The following DIAPH2 variants were observed in gnomAD, a reference collection of about 807,000 sequenced individuals.
The protein encoded by DIAPH2 is diaphanous related formin 2.
DIAPH2 carries 35 observed loss-of-function variants against 92.7 expected under a neutral mutation model. The observed-to-expected ratio is 0.38, with a 90% CI of 0.29 to 0.50. The LOEUF is 0.50. DIAPH2 is among the 20% of genes least tolerant of loss of function. The pLI is 0.94. For synonymous variants in DIAPH2, 301 were observed against 280.4 expected (o/e 1.07, Z -0.73); for missense variants, 701 against 819.5 (o/e 0.86, Z 1.77).
chrX:96,795,307 T>C (rs1312705376), intron 4 of DIAPH2, among the ~76,000 whole-genome samples: 2 of 111,685 alleles, frequency 1.8e-5, no homozygotes, highest in African/African-American at 6.5e-5. Context: ...GATAGTAGCT[T>C]TATTTCATTA....
intron 17 of DIAPH2, among the ~76,000 whole-genome samples, chrX:97,063,496 T>A (rs1470292085): frequency 9.0e-6 from 1 of 111,667 alleles, no homozygotes; most frequent in African/African-American, 3.3e-5. Context: ...TTTATTAAAG[T>A]TGAGCTGCGT....
At chrX:97,377,517 C>A (rs1486588175) in intron 24 of DIAPH2, among the ~76,000 whole-genome samples, 1 of 111,684 alleles carries the variant, frequency 9.0e-6, no homozygotes, top group Non-Finnish European at 1.9e-5. Context: ...TATATGTGGT[C>A]CCATCTGTTG....
chrX:96,842,246 C>T (rs1051769755), intron 4 of DIAPH2, among the ~76,000 whole-genome samples: 6 of 111,727 alleles, frequency 5.4e-5, no homozygotes, highest in Admixed American at 2.9e-4. Context: ...ATTAGAGTTA[C>T]TCTTTTCTTT....
In DIAPH2 at chrX:97,048,953, T is replaced by C. The variant is rs2066502343; in HGVS notation, c.2051-23988T>C. Among the ~76,000 whole-genome samples the C allele has an allele frequency of 5.4e-5, 6 of 110,307 alleles. No homozygotes were observed. The Admixed American group carries it at 5.8e-4, about 11-fold the overall frequency. ...TTTGACATACAAAGACATTTTAGTT[T>C]CATCTTGTAGCTACTCTCGCACAAT... On this transcript the variant is annotated intron_variant, in intron 17 of 26. Coordinates refer to ENST00000324765, the MANE Select transcript of DIAPH2 (RefSeq NM_006729.5).
At chrX:97,549,464 T>C (rs1345694379) in intron 26 of DIAPH2, among the ~76,000 whole-genome samples, 1 of 111,804 alleles carries the variant, frequency 8.9e-6, no homozygotes. Flanking sequence ...TAATCTTTTT[T>C]CTAGAAACAC....
intron 23 of DIAPH2, 48 bp downstream of exon 23, chrX:97,247,887 T>A (rs780197736): frequency 8.9e-7 from 1 of 1,124,617 alleles, no homozygotes; most frequent in Admixed American, 2.3e-5. Flanking sequence ...AGTCTCTATG[T>A]CTGTCTGTTT....
intron 23 of DIAPH2, among the ~76,000 whole-genome samples, chrX:97,303,975 C>A (rs2068726527): frequency 9.0e-6 from 1 of 111,321 alleles, no homozygotes; most frequent in African/African-American, 3.3e-5. Flanking sequence ...TGCCTACAGA[C>A]CTTGTTGGCA....
At chrX:97,546,976 G>C (rs2071186192) in intron 26 of DIAPH2, among the ~76,000 whole-genome samples, 1 of 112,080 alleles carries the variant, frequency 8.9e-6, no homozygotes, top group Admixed American at 9.4e-5. Flanking sequence ...CAGTTTGCTT[G>C]AAGTTAACTA....
chrX:97,302,935 G>A (rs1057316954), intron 23 of DIAPH2, among the ~76,000 whole-genome samples: 2 of 112,272 alleles, frequency 1.8e-5, no homozygotes, highest in African/African-American at 3.2e-5. Context: ...AGTGAGCCGA[G>A]ATCGCGCCAC....
At chrX:96,934,735 A>G (rs138312494) in intron 10 of DIAPH2, among the ~76,000 whole-genome samples, 1,826 of 111,987 alleles carry the variant, frequency 0.016, 40 homozygotes, top group African/African-American at 0.056. Context: ...AGTTGTTACA[A>G]ACTCTACAGT....
intron 22 of DIAPH2, among the ~76,000 whole-genome samples, chrX:97,170,722 A>G (rs1015523388): frequency 8.9e-6 from 1 of 111,912 alleles, no homozygotes. Flanking sequence ...AAAATATTTT[A>G]TATGGTCCAA....
At chrX:97,298,789 T>G (rs1452353073) in intron 23 of DIAPH2, among the ~76,000 whole-genome samples, 1 of 109,850 alleles carries the variant, frequency 9.1e-6, no homozygotes, top group Non-Finnish European at 1.9e-5. Context: ...TAATTTTTTT[T>G]TGTATTTTTT....
At chrX:96,786,055 A>T (rs952846870) in intron 4 of DIAPH2, among the ~76,000 whole-genome samples, 2 of 111,731 alleles carry the variant, frequency 1.8e-5, no homozygotes, top group Non-Finnish European at 3.8e-5. Flanking sequence ...GGTCAAGTAG[A>T]AACTTTCACA....
In DIAPH2 at chrX:97,072,004, T is replaced by A. The variant is rs1430631773; in HGVS notation, c.2051-937T>A. Among the ~76,000 whole-genome samples, 3 of 112,109 alleles carry A rather than the reference T, an allele frequency of 2.7e-5. No individual in the cohort carries two copies. The East Asian group carries it at 8.3e-4, about 31-fold the overall frequency. On this transcript the variant is annotated intron_variant, in intron 17 of 26. Transcript: ENST00000324765. Reference sequence around the variant, plus strand: ...GACTGAAAAAGTACTAGCTTTACTTTTCTTATATTTTCTGATGGCCCCATT... The same window carrying A: ...GACTGAAAAAGTACTAGCTTTACTTATCTTATATTTTCTGATGGCCCCATT...
intron 26 of DIAPH2, among the ~76,000 whole-genome samples, chrX:97,463,460 G>A (rs1457259553): frequency 3.7e-5 from 4 of 109,232 alleles, no homozygotes; most frequent in Admixed American, 9.9e-5. Flanking sequence ...AGGTGATCTC[G>A]GCTCACTGCA....
At chrX:97,552,093 T>C (rs2071223909) in intron 26 of DIAPH2, among the ~76,000 whole-genome samples, 1 of 111,800 alleles carries the variant, frequency 8.9e-6, no homozygotes. Context: ...TCCCCTTGCA[T>C]GAAATGAAGT....
chrX:97,251,329 A>G (rs1248810531), intron 23 of DIAPH2, among the ~76,000 whole-genome samples: 1 of 111,502 alleles, frequency 9.0e-6, no homozygotes, highest in Non-Finnish European at 1.9e-5. Flanking sequence ...TCTAATGGTA[A>G]TAAGCTGGGG....
chrX:97,081,969 A>G (rs1453946110), intron 19 of DIAPH2: 1 of 107,181 alleles, frequency 9.3e-6, no homozygotes, highest in East Asian at 3.0e-4. Flanking sequence ...TAAAAATACA[A>G]AAAATCAGCC....
At chrX:96,883,365 G>A (rs2065232636) in intron 5 of DIAPH2, among the ~76,000 whole-genome samples, 1 of 105,405 alleles carries the variant, frequency 9.5e-6, no homozygotes, top group South Asian at 4.1e-4. Flanking sequence ...ATGCTCCTAG[G>A]TTTTTTGTTT....
Sources: allele counts gnomAD v4.1 joint callset (sites outside exome capture counted in the v4.1 genomes callset), GRCh38; gene constraint gnomAD v4.1.1; transcripts MANE v1.5; gene names NCBI Gene and HGNC (gene_info 2026-07-23, HGNC 2026-07-21).